The following SLC12A6 variants were observed in gnomAD, a reference collection of about 807,000 sequenced individuals.
The protein encoded by SLC12A6 is K-Cl cotransporter 3.
SLC12A6 carries 66 observed loss-of-function variants against 135.3 expected under a neutral mutation model. That is an observed-to-expected ratio of 0.49 (90% CI 0.40 to 0.60). SLC12A6 has a LOEUF of 0.60. Among genes scored for constraint, SLC12A6 ranks in the 20% least tolerant of loss-of-function variants. The pLI is 0.00. For missense variants in SLC12A6, 1,058 were observed against 1,452.3 expected (o/e 0.73, Z 4.41); for synonymous variants, 513 against 508.8 (o/e 1.01, Z -0.11).
chr15:34,312,246 G>C (rs73374434), intron 2 of SLC12A6, among the ~76,000 whole-genome samples: 20,429 of 152,190 alleles, frequency 0.13, 1,497 homozygotes, highest in East Asian at 0.32. Context: ...CTCTCATTCT[G>C]CTGCCTTTGG....
intron 2 of SLC12A6, among the ~76,000 whole-genome samples, chr15:34,290,275 T>C (rs903642392): frequency 6.6e-6 from 1 of 152,222 alleles, no homozygotes; most frequent in African/African-American, 2.4e-5. Flanking sequence ...ATTTTCCATG[T>C]AGTTGCGTGG....
At chr15:34,289,018 T>C (rs546551415) in intron 2 of SLC12A6, among the ~76,000 whole-genome samples, 16 of 152,302 alleles carry the variant, frequency 1.1e-4, no homozygotes, top group Middle Eastern at 3.4e-3. Flanking sequence ...CTTTCAACAC[T>C]ATGTTGAATA....
intron 3 of SLC12A6, among the ~76,000 whole-genome samples, chr15:34,270,594 G>A (rs976899604): frequency 6.6e-6 from 1 of 152,012 alleles, no homozygotes; most frequent in Admixed American, 6.6e-5. Flanking sequence ...CTTGAGGCTT[G>A]GAGTTTGAGA....
rs781067235 is a variant in SLC12A6, at chr15:34,236,069, C to T, written c.3173G>A (p.Arg1058Gln). ...TTCCATTGACTTCGCTTTTTGTCCCCGGGATGCCATGTACTTGTCTTTTGT... is the reference window on the plus strand; with the variant it reads ...TTCCATTGACTTCGCTTTTTGTCCCTGGGATGCCATGTACTTGTCTTTTGT... The part of the protein sequence containing the change: ...TWTKDKYMAS[R>Q]GQKAKSMEGF... The change falls in exon 24 of 26, where the codon CGG becomes CAG. Residue 1058 changes from arginine to glutamine, a missense_variant. Around this residue, in one of 6 missense-constraint regions of SLC12A6, gnomAD observed 245 missense variants for 440.8 expected, o/e 0.56. Coordinates refer to ENST00000354181, the MANE Select transcript of SLC12A6 (RefSeq NM_001365088.1). 23 of 1,613,848 alleles carry T rather than the reference C, an allele frequency of 1.4e-5. No individual in the cohort carries two copies. The highest frequency in any genetic ancestry group is 2.2e-5 in the East Asian group (1 of 44,890).
chr15:34,317,664 C>A lies in SLC12A6; in HGVS notation c.271+18746G>T, dbSNP rs949367432. ...GTTGCAGTAAGCCGAGATCACCCCA[C>A]TGCATTCCAGCCTGGGTGACAGAGA... On this transcript the variant is annotated intron_variant, in intron 2 of 25. Transcript: ENST00000354181. Among the ~76,000 whole-genome samples the A allele has an allele frequency of 4.6e-5, 7 of 152,154 alleles. No individual in the cohort carries two copies. The South Asian group carries it at 1.2e-3, about 27-fold the overall frequency.
intron 2 of SLC12A6, among the ~76,000 whole-genome samples, chr15:34,281,544 C>T (rs1281053957): frequency 2.0e-5 from 3 of 151,488 alleles, no homozygotes; most frequent in Non-Finnish European, 4.4e-5. Flanking sequence ...AATCCTGGCG[C>T]CTTGGGAGGC....
intron 10 of SLC12A6, 130 bp downstream of exon 10, chr15:34,252,040 T>C (rs139229913): frequency 1.0e-4 from 69 of 673,936 alleles, no homozygotes; most frequent in Non-Finnish European, 1.7e-4. Flanking sequence ...TTAAGAGCTG[T>C]GTGGTGTGCT....
intron 2 of SLC12A6, among the ~76,000 whole-genome samples, chr15:34,284,376 G>A (rs572491214): frequency 3.5e-5 from 5 of 143,180 alleles, no homozygotes; most frequent in East Asian, 4.4e-4. Context: ...AGGTTCAAGC[G>A]ATTCTCCTGC....
chr15:34,288,192 T>C (rs993641239), intron 2 of SLC12A6, among the ~76,000 whole-genome samples: 11 of 152,224 alleles, frequency 7.2e-5, no homozygotes, highest in African/African-American at 2.7e-4. Flanking sequence ...TTTCTGCATA[T>C]GGATAGCCAG....
At chr15:34,303,067 G>C (rs920035714) in intron 2 of SLC12A6, among the ~76,000 whole-genome samples, 1 of 151,638 alleles carries the variant, frequency 6.6e-6, no homozygotes, top group Non-Finnish European at 1.5e-5. Context: ...TTTTAAAGAT[G>C]GTTTTGGAAA....
chr15:34,274,953 T>A (rs1386421486), intron 3 of SLC12A6, among the ~76,000 whole-genome samples: 1 of 152,192 alleles, frequency 6.6e-6, no homozygotes, highest in Non-Finnish European at 1.5e-5. Context: ...AAGGACATAC[T>A]GTTTATGAAG....
At position 34,261,681 on chromosome 15, in the gene SLC12A6, T is replaced by C. The variant is rs536954682; in HGVS notation, c.317-661A>G. 2.0e-5 allele frequency among the ~76,000 whole-genome samples: 3 copies of C among 152,316 alleles called. No individual in the cohort carries two copies. In the South Asian group the frequency reaches 6.2e-4, roughly 32 times the overall value. Reference sequence around the variant, plus strand: ...ACTCAGGGTATAATACTGTGTTAGATGTAGTCTCCTTTACACACTATTGCT... The same window carrying C: ...ACTCAGGGTATAATACTGTGTTAGACGTAGTCTCCTTTACACACTATTGCT... On this transcript the variant is annotated intron_variant, in intron 3 of 25. Coordinates refer to ENST00000354181, the MANE Select transcript of SLC12A6 (RefSeq NM_001365088.1).
chr15:34,319,170 C>T (rs112232409), intron 2 of SLC12A6, among the ~76,000 whole-genome samples: 1,780 of 150,612 alleles, frequency 0.012, 14 homozygotes, highest in Middle Eastern at 0.038. Flanking sequence ...CTCGCTCGCC[C>T]TGTTGTCCAG....
At chr15:34,335,697 A>G (rs1890152151) in intron 2 of SLC12A6, among the ~76,000 whole-genome samples, 1 of 152,222 alleles carries the variant, frequency 6.6e-6, no homozygotes, top group Non-Finnish European at 1.5e-5. Context: ...TTAGGAAGCT[A>G]AAGGTCTGTA....
intron 1 of SLC12A6, 128 bp from the exon 2 acceptor site, chr15:34,336,880 A>G: frequency 1.6e-6 from 1 of 611,924 alleles, no homozygotes; most frequent in South Asian, 2.0e-5. Flanking sequence ...GTGCATCACC[A>G]ATAGGTGAAT....
In SLC12A6 at chr15:34,296,632, T is replaced by C. The variant is rs181220566; in HGVS notation, c.272-21243A>G. ...ATTACAAATAGTCAGAGTAGGTATC[T>C]GGTGCATGGAACTACACAGTGACCA... On this transcript the variant is annotated intron_variant, in intron 2 of 25. Transcript: ENST00000354181. 2.2e-3 allele frequency among the ~76,000 whole-genome samples: 342 copies of C among 152,332 alleles called. 5 individuals carry two copies. The highest frequency in any genetic ancestry group is 8.1e-3 in the African/African-American group (335 of 41,566).
rs1314410905 is a variant in SLC12A6, at chr15:34,230,011, A to G, written c.*3870T>C. ...AACCCAAGGCTGAAAATAATGTAGA[A>G]AACTTTATTTTTGTTTCCAGTACAG... is the stretch of plus-strand genomic sequence containing the variant. On this transcript the variant is annotated 3_prime_UTR_variant, in exon 26 of 26. Coordinates refer to ENST00000354181, the MANE Select transcript of SLC12A6 (RefSeq NM_001365088.1). 1 of 577,092 alleles carries G rather than the reference A, an allele frequency of 1.7e-6. No homozygotes were observed. Among genetic ancestry groups the G allele is most frequent in the African/African-American group, 1.9e-5 (1 of 52,568 alleles). 35.7% of individuals were successfully genotyped at this position (577,092 alleles called of 1,614,324 possible). A position where few individuals can be genotyped will look rare whatever the true frequency, so the allele number is the denominator to read the frequency against.
intron 16 of SLC12A6, 100 bp from the exon 17 acceptor site, chr15:34,242,321 T>A (rs1163551568): frequency 5.8e-6 from 5 of 859,964 alleles, no homozygotes; most frequent in South Asian, 1.5e-5. Context: ...TATTATTTTT[T>A]AAAAACTTTG....
intron 3 of SLC12A6, among the ~76,000 whole-genome samples, chr15:34,264,916 G>A (rs1380135829): frequency 6.6e-6 from 1 of 152,156 alleles, no homozygotes; most frequent in Non-Finnish European, 1.5e-5. Context: ...TATAGCTTAG[G>A]CTGGGTGCAG....
Sources: gnomAD v4.1 joint callset for allele counts (sites outside exome capture counted in the v4.1 genomes callset) on GRCh38, gnomAD v4.1.1 for gene constraint, gnomAD v4.1.1 regional missense constraint, MANE v1.5 for transcripts, NCBI Gene and HGNC (gene_info 2026-07-23, HGNC 2026-07-21) for gene names.